The following SLC22A3 variants were observed in gnomAD, a reference collection of about 807,000 sequenced individuals.
SLC22A3 encodes solute carrier family 22 member 3.
Under a neutral mutation model 59.1 loss-of-function variants are expected in SLC22A3, and 51 were observed. The observed-to-expected ratio is 0.86, with a 90% CI of 0.69 to 1.09. SLC22A3 has a LOEUF of 1.09. Ranked by LOEUF, SLC22A3 falls within the 50% of genes least tolerant of loss-of-function variation. SLC22A3 has a pLI of 0.00. For synonymous variants in SLC22A3, 325 were observed against 292.0 expected (o/e 1.11, Z -1.15); for missense variants, 711 against 726.3 (o/e 0.98, Z 0.24).
chr6:160,370,528 C>T (rs1785364050), intron 1 of SLC22A3, among the ~76,000 whole-genome samples: 1 of 152,156 alleles, frequency 6.6e-6, no homozygotes, highest in Non-Finnish European at 1.5e-5. Context: ...ATTATTCAAG[C>T]TGGGCTAGGG....
At chr6:160,364,259 G>A (rs1480434295) in intron 1 of SLC22A3, among the ~76,000 whole-genome samples, 1 of 152,240 alleles carries the variant, frequency 6.6e-6, no homozygotes, top group Non-Finnish European at 1.5e-5. Context: ...GTGGTAGATG[G>A]GTTGTTGGAA....
intron 1 of SLC22A3, among the ~76,000 whole-genome samples, chr6:160,357,872 C>A (rs1784892709): frequency 6.6e-6 from 1 of 152,216 alleles, no homozygotes; most frequent in South Asian, 2.1e-4. Context: ...GGTTCTTGAT[C>A]TTCCTGTGTG....
chr6:160,400,984 G>GAAAAAAAAAAAAAAAAAAAAA (rs58532600), intron 2 of SLC22A3, among the ~76,000 whole-genome samples: 1 of 78,558 alleles, frequency 1.3e-5, no homozygotes, highest in Non-Finnish European at 2.3e-5. Context: ...CTCCAAAACT[G>GAAAAAAAAAAAAAAAAAAAAA]AAAAAAAAAA....
intron 1 of SLC22A3, among the ~76,000 whole-genome samples, chr6:160,361,812 C>G (rs993532041): frequency 2.6e-5 from 4 of 152,186 alleles, no homozygotes; most frequent in African/African-American, 7.2e-5. Context: ...GCAAGTCTTG[C>G]AGAGGAATCA....
intron 1 of SLC22A3, among the ~76,000 whole-genome samples, chr6:160,354,727 C>T (rs893701305): frequency 7.2e-5 from 11 of 152,080 alleles, no homozygotes; most frequent in Non-Finnish European, 1.2e-4. Context: ...CCCAGGAGGT[C>T]GAACTGTGCT....
chr6:160,419,220 G>T (rs7758229), intron 5 of SLC22A3, among the ~76,000 whole-genome samples: 37,319 of 152,024 alleles, frequency 0.25, 5,423 homozygotes, highest in Non-Finnish European at 0.33. Context: ...AATAGCTACC[G>T]TCTTTTCTAT....
intron 2 of SLC22A3, among the ~76,000 whole-genome samples, chr6:160,400,367 T>C (rs934891900): frequency 1.3e-5 from 2 of 151,990 alleles, no homozygotes; most frequent in Admixed American, 1.3e-4. Flanking sequence ...CACCAAATTC[T>C]AGCCTCCTCT....
intron 1 of SLC22A3, among the ~76,000 whole-genome samples, chr6:160,355,923 G>T (rs1784825162): frequency 6.6e-6 from 1 of 152,180 alleles, no homozygotes; most frequent in South Asian, 2.1e-4. Flanking sequence ...CTGTCTAGCT[G>T]CCTTCCCTCT....
Position 160,451,817 on chromosome 6 carries a change from G to A in SLC22A3, c.*761G>A, listed in dbSNP as rs141962834. 1 of 152,294 alleles carries A rather than the reference G, an allele frequency of 6.6e-6. No individual in the cohort carries two copies. Among genetic ancestry groups the A allele is most frequent in the Non-Finnish European group, 1.5e-5 (1 of 68,036 alleles). The allele number at this position is 152,294 out of a possible 1,614,324, so 9.4% of individuals were successfully genotyped here. A position where few individuals can be genotyped will look rare whatever the true frequency, so the allele number is the denominator to read the frequency against. On this transcript the variant is annotated 3_prime_UTR_variant, in exon 11 of 11. Coordinates refer to ENST00000275300, the MANE Select transcript of SLC22A3 (RefSeq NM_021977.4). Reference sequence around the variant, plus strand: ...TTGGGACATTTTTGGCTCTCCTTTAGTGGACACCTAGAGCCACAGATTCCC... The same window carrying A: ...TTGGGACATTTTTGGCTCTCCTTTAATGGACACCTAGAGCCACAGATTCCC...
chr6:160,440,951 T>C (rs922104177), intron 7 of SLC22A3, among the ~76,000 whole-genome samples: 2 of 152,164 alleles, frequency 1.3e-5, no homozygotes, highest in African/African-American at 2.4e-5. Flanking sequence ...ATGTTTATCA[T>C]GGTGGAGTGT....
chr6:160,367,794 C>A (rs2504935), intron 1 of SLC22A3, among the ~76,000 whole-genome samples: 123,547 of 152,080 alleles, frequency 0.81, 50,419 homozygotes, highest in East Asian at 0.93. Context: ...GAACAAGAGG[C>A]CCAGGTCCCT....
chr6:160,399,914 AAGAC>A (rs1562484963), intron 2 of SLC22A3, among the ~76,000 whole-genome samples: 2 of 152,040 alleles, frequency 1.3e-5, no homozygotes. Context: ...ACTAAATAGA[AAGAC>A]AGGAGAATAC....
chr6:160,360,682 C>T (rs1284740337), intron 1 of SLC22A3, among the ~76,000 whole-genome samples: 1 of 152,180 alleles, frequency 6.6e-6, no homozygotes, highest in Admixed American at 6.5e-5. Flanking sequence ...TTTCCTAAAC[C>T]AGTCTCAGGA....
chr6:160,358,684 C>T (rs1038786537), intron 1 of SLC22A3, among the ~76,000 whole-genome samples: 1 of 152,224 alleles, frequency 6.6e-6, no homozygotes, highest in African/African-American at 2.4e-5. Flanking sequence ...CATGCAGGAA[C>T]CGCTGAGCAT....
At chr6:160,388,605 TA>T (rs150785413) in intron 1 of SLC22A3, among the ~76,000 whole-genome samples, 2,037 of 152,322 alleles carry the variant, frequency 0.013, 41 homozygotes, top group Middle Eastern at 0.075. Flanking sequence ...TATTTTATGA[TA>T]AAAAATATTT....
chr6:160,425,893 G>C (rs1255910286), intron 5 of SLC22A3: 1 of 985,284 alleles, frequency 1.0e-6, no homozygotes, highest in African/African-American at 1.7e-5. Context: ...GACATAACAT[G>C]CTTCGCTGTC....
At chr6:160,424,184 G>A (rs944547288) in intron 5 of SLC22A3, among the ~76,000 whole-genome samples, 1 of 151,974 alleles carries the variant, frequency 6.6e-6, no homozygotes, top group Non-Finnish European at 1.5e-5. Context: ...CAGATCCTAG[G>A]GATTATGGAG....
chr6:160,350,157 G>A (rs1030706746), intron 1 of SLC22A3, among the ~76,000 whole-genome samples: 2 of 151,524 alleles, frequency 1.3e-5, no homozygotes, highest in African/African-American at 2.4e-5. Context: ...TTTCTGTAAC[G>A]CCGTGTGCTG....
intron 2 of SLC22A3, among the ~76,000 whole-genome samples, chr6:160,400,359 C>G (rs1442367395): frequency 6.6e-6 from 1 of 151,846 alleles, no homozygotes; most frequent in Non-Finnish European, 1.5e-5. Context: ...AAGAGAAACA[C>G]CAAATTCTAG....
Sources: allele counts gnomAD v4.1 joint callset (sites outside exome capture counted in the v4.1 genomes callset), GRCh38; gene constraint gnomAD v4.1.1; transcripts MANE v1.5; gene names NCBI Gene and HGNC (gene_info 2026-07-23, HGNC 2026-07-21).